The following FAM135B variants were observed in gnomAD, a reference collection of about 807,000 sequenced individuals.
FAM135B encodes the protein family with sequence similarity 135 member B.
A neutral mutation model predicts 127.7 loss-of-function variants in FAM135B; 43 were observed. The ratio of observed to expected loss-of-function variants is 0.34; its 90% CI spans 0.26 to 0.43. The LOEUF (loss-of-function observed/expected upper bound fraction) is 0.43, where lower values mean the gene tolerates loss of function less well. Among genes scored for constraint, FAM135B ranks in the 20% least tolerant of loss-of-function variants. FAM135B has a pLI of 1.00. For missense variants in FAM135B, 1,558 were observed against 1,725.6 expected, an observed-to-expected ratio of 0.90 and a Z score of 1.72; for synonymous variants, 670 against 665.1, an observed-to-expected ratio of 1.01 and a Z score of -0.11.
chr8:138,232,122 T>G (rs1252713785), intron 7 of FAM135B, among the ~76,000 whole-genome samples: 1 of 152,224 alleles, frequency 6.6e-6, no homozygotes, highest in African/African-American at 2.4e-5. Flanking sequence ...CCTACCAGGT[T>G]TCCTTACTCC....
At chr8:138,205,768 G>A (rs1817505078) in intron 7 of FAM135B, among the ~76,000 whole-genome samples, 2 of 152,012 alleles carry the variant, frequency 1.3e-5, no homozygotes, top group Admixed American at 6.5e-5. Context: ...AGGTACCAAT[G>A]TTGTCTCCTC....
chr8:138,430,328 C>G (rs1835126223), intron 1 of FAM135B, among the ~76,000 whole-genome samples: 1 of 152,218 alleles, frequency 6.6e-6, no homozygotes, highest in South Asian at 2.1e-4. Flanking sequence ...CAGAAGAACA[C>G]TGCAAGGACA....
At chr8:138,161,910 T>C (rs1819439562) in intron 12 of FAM135B, among the ~76,000 whole-genome samples, 1 of 152,156 alleles carries the variant, frequency 6.6e-6, no homozygotes, top group Non-Finnish European at 1.5e-5. Flanking sequence ...AGTTGGTGTT[T>C]TGTGAATTTC....
At chr8:138,410,487 G>A (rs1006493524) in intron 1 of FAM135B, among the ~76,000 whole-genome samples, 1 of 152,166 alleles carries the variant, frequency 6.6e-6, no homozygotes, top group African/African-American at 2.4e-5. Flanking sequence ...AACAGCCTGT[G>A]GGAACAGAAT....
rs956286371 is a variant in FAM135B at position 138,158,426 on chromosome 8, G to A, written c.1259-5210C>T. On this transcript the variant is annotated intron_variant, in intron 12 of 19. Coordinates refer to ENST00000395297, the MANE Select transcript of FAM135B (RefSeq NM_015912.4). Reference sequence around the variant, plus strand: ...CATGACTAAAACACCAAAAGCAATGGCAACAAAAGCCAAAATTGACAAATT... The same window carrying A: ...CATGACTAAAACACCAAAAGCAATGACAACAAAAGCCAAAATTGACAAATT... 5.3e-5 allele frequency among the ~76,000 whole-genome samples: 8 copies of A among 152,276 alleles called. No individual in the cohort carries two copies. In the South Asian group the frequency reaches 1.7e-3, roughly 32 times the overall value.
chr8:138,329,516 CA>C (rs1828026935), intron 2 of FAM135B, among the ~76,000 whole-genome samples: 1 of 152,162 alleles, frequency 6.6e-6, no homozygotes, highest in Non-Finnish European at 1.5e-5. Flanking sequence ...AGAACAACAA[CA>C]AAAAAGTTCC....
chr8:138,255,344 G>T (rs926527180), intron 5 of FAM135B, among the ~76,000 whole-genome samples: 2 of 152,174 alleles, frequency 1.3e-5, no homozygotes, highest in Admixed American at 1.3e-4. Flanking sequence ...TTTGCAGATA[G>T]TGGTCAGTGT....
intron 1 of FAM135B, among the ~76,000 whole-genome samples, chr8:138,406,178 C>T (rs200456463): frequency 0.13 from 19,281 of 150,330 alleles, 2,066 homozygotes; most frequent in African/African-American, 0.29. Flanking sequence ...CTGTTCACTC[C>T]GATGGTAGTT....
chr8:138,480,502 A>G (rs1277164165), intron 1 of FAM135B, among the ~76,000 whole-genome samples: 2 of 152,240 alleles, frequency 1.3e-5, no homozygotes, highest in African/African-American at 4.8e-5. Flanking sequence ...AATAGGCTCA[A>G]TATTCAAGTT....
intron 7 of FAM135B, among the ~76,000 whole-genome samples, chr8:138,233,942 C>T (rs1030959620): frequency 6.6e-6 from 1 of 152,120 alleles, no homozygotes; most frequent in Admixed American, 6.6e-5. Context: ...TACTCAGCAT[C>T]ACTAATTATT....
At position 138,242,165 on chromosome 8, in the gene FAM135B, T is replaced by TG. The variant is rs1389650858; in HGVS notation, c.669+776_669+777insC. Among the ~76,000 whole-genome samples, 3 of 129,994 alleles carry TG rather than the reference T, an allele frequency of 2.3e-5. No individual in the cohort carries two copies. Among genetic ancestry groups the TG allele is most frequent in the East Asian group, 4.5e-4 (2 of 4,402 alleles). The allele number at this position is 129,994 out of a possible 152,430, so 85.3% of individuals were successfully genotyped here. ...AGTCAATTACTTATGATAAATCTCT[T>TG]TGTGTGTGTGTGTGTGTGTGTGTGT... On this transcript the variant is annotated intron_variant, in intron 7 of 19. Transcript: ENST00000395297. The surrounding 1 kb of genome is among the most constrained non-coding windows in gnomAD (Gnocchi z 9.6).
intron 1 of FAM135B, among the ~76,000 whole-genome samples, chr8:138,414,949 C>A (rs1834058373): frequency 1.3e-5 from 2 of 152,092 alleles, no homozygotes; most frequent in Non-Finnish European, 2.9e-5. Flanking sequence ...CAAATGGTTT[C>A]CTATCAAAGG....
intron 7 of FAM135B, among the ~76,000 whole-genome samples, chr8:138,233,229 T>C (rs1001966747): frequency 2.0e-4 from 30 of 152,160 alleles, no homozygotes; most frequent in African/African-American, 6.8e-4. Context: ...TAAAAGCAGA[T>C]ATATAGACCA....
chr8:138,318,179 A>G (rs1827218006), intron 2 of FAM135B, among the ~76,000 whole-genome samples: 1 of 152,230 alleles, frequency 6.6e-6, no homozygotes, highest in Non-Finnish European at 1.5e-5. Context: ...CTCATGGGCC[A>G]ATAATTGGCA....
intron 19 of FAM135B, 105 bp downstream of exon 19, chr8:138,137,042 C>A: frequency 1.4e-6 from 1 of 698,748 alleles, no homozygotes; most frequent in Non-Finnish European, 2.6e-6. Flanking sequence ...ATAAATGCAG[C>A]ACTAAACCTA....
chr8:138,462,033 T>C lies in FAM135B; in HGVS notation c.-20+34638A>G, dbSNP rs189210906. ...AATCAATTATCCAAGGTTGGCTTGA[T>C]AGATGATGATAATAATGATGATGAT... On this transcript the variant is annotated intron_variant, in intron 1 of 19. Transcript: ENST00000395297. 3.3e-5 allele frequency among the ~76,000 whole-genome samples: 5 copies of C among 152,160 alleles called. No individual in the cohort carries two copies. The East Asian group carries it at 9.7e-4, about 29-fold the overall frequency.
chr8:138,345,969 A>T (rs1829381564), intron 2 of FAM135B, among the ~76,000 whole-genome samples: 1 of 152,244 alleles, frequency 6.6e-6, no homozygotes, highest in Admixed American at 6.5e-5. Flanking sequence ...CAAGAAAAAA[A>T]CAACCCCATT....
chr8:138,276,725 A>G (rs1464902954), intron 3 of FAM135B, among the ~76,000 whole-genome samples: 1 of 152,096 alleles, frequency 6.6e-6, no homozygotes, highest in African/African-American at 2.4e-5. Context: ...TCTGTCCATT[A>G]GGGCACACAC....
At chr8:138,334,987 T>G (rs1425786265) in intron 2 of FAM135B, among the ~76,000 whole-genome samples, 1 of 152,234 alleles carries the variant, frequency 6.6e-6, no homozygotes, top group Non-Finnish European at 1.5e-5. Flanking sequence ...ATAATCCTTA[T>G]GCATGCAGAA....
Sources: allele counts gnomAD v4.1 joint callset (sites outside exome capture counted in the v4.1 genomes callset), GRCh38; gene constraint gnomAD v4.1.1; non-coding constraint Gnocchi (gnomAD v3.1); transcripts MANE v1.5; gene names NCBI Gene and HGNC (gene_info 2026-07-23, HGNC 2026-07-21).